ANK1: variants seen among roughly 807,000 people sequenced by gnomAD.
ANK1 encodes ankyrin-1.
In ANK1, 51 loss-of-function variants were observed where a neutral mutation model predicts 210.4. The ratio of observed to expected loss-of-function variants is 0.24; its 90% CI spans 0.19 to 0.31. The LOEUF (loss-of-function observed/expected upper bound fraction) is 0.31. ANK1 is among the 10% of genes least tolerant of loss of function. ANK1 has a pLI of 1.00. For synonymous variants in ANK1, 967 were observed against 1,025.9 expected, an observed-to-expected ratio of 0.94 and a Z score of 1.10; for missense variants, 2,051 against 2,504.4, an observed-to-expected ratio of 0.82 and a Z score of 3.86.
At chr8:41,696,609 G>A (rs368556439) in intron 25 of ANK1, 22 bp from the exon 26 acceptor site, 105 of 1,612,360 alleles carry the variant, frequency 6.5e-5, no homozygotes, top group Admixed American at 1.7e-4. Flanking sequence ...GCAGATGCAC[G>A]TTGGGCTTCT....
intron 1 of ANK1, among the ~76,000 whole-genome samples, chr8:41,893,299 C>T (rs1056902044): frequency 2.6e-5 from 4 of 152,148 alleles, no homozygotes; most frequent in African/African-American, 9.7e-5. Flanking sequence ...ATATCATAAA[C>T]GCTGGATTTT....
intron 1 of ANK1, among the ~76,000 whole-genome samples, chr8:41,772,393 G>T (rs1843127648): frequency 6.6e-6 from 1 of 152,218 alleles, no homozygotes; most frequent in East Asian, 1.9e-4. Flanking sequence ...GGCACATTTG[G>T]TAAGTGCTCT....
rs140550365 is a variant in ANK1, at chr8:41,725,926, C to A, written c.447G>T (p.Ala149=). 5.6e-4 allele frequency: 908 copies of A among 1,613,446 alleles called. No individual in the cohort carries two copies. Among genetic ancestry groups the A allele is most frequent in the Non-Finnish European group, 7.1e-4 (836 of 1,179,992 alleles). ...TCTCATGGCCCTGCTGCAGGGCTAC[C>A]GCCAGAGGCGTGAAGCCGTCCTGGC... ...VATEDGFTPL[A]VALQQGHENV... is the part of the protein sequence containing the mutation. The change falls in exon 6 of 43, where the codon GCG becomes GCT. Residue 149 remains alanine (A), a synonymous_variant. Transcript: ENST00000289734.
intron 42 of ANK1, among the ~76,000 whole-genome samples, chr8:41,659,918 G>A (rs1053325102): frequency 2.6e-5 from 4 of 152,014 alleles, no homozygotes; most frequent in Non-Finnish European, 4.4e-5. Context: ...CCTGGCTTTC[G>A]GGCTGCCTCT....
At chr8:41,669,817 G>A (rs989849257) in intron 38 of ANK1, among the ~76,000 whole-genome samples, 9 of 152,254 alleles carry the variant, frequency 5.9e-5, no homozygotes, top group Non-Finnish European at 1.0e-4. Flanking sequence ...GCCAGGTTGC[G>A]CCAGCCTCCT....
intron 1 of ANK1, among the ~76,000 whole-genome samples, chr8:41,790,450 G>T (rs771768734): frequency 4.5e-4 from 69 of 152,184 alleles, no homozygotes; most frequent in Non-Finnish European, 2.6e-4. Flanking sequence ...CCCGGCCTGG[G>T]AAGGAATCTT....
At chr8:41,718,906 T>G (rs145225196) in intron 10 of ANK1, among the ~76,000 whole-genome samples, 1 of 152,238 alleles carries the variant, frequency 6.6e-6, no homozygotes, top group Non-Finnish European at 1.5e-5. Context: ...TCAACAGTCC[T>G]GAGGCTGGGA....
intron 1 of ANK1, among the ~76,000 whole-genome samples, chr8:41,787,023 T>C (rs775723950): frequency 1.3e-5 from 2 of 152,234 alleles, no homozygotes; most frequent in Non-Finnish European, 2.9e-5. Context: ...TCATTCATTT[T>C]TCCACTCCAC....
intron 1 of ANK1, among the ~76,000 whole-genome samples, chr8:41,763,881 C>CTTTTTTGTTTTTTTTTTTTTTT (rs1841052618): frequency 1.4e-5 from 1 of 72,142 alleles, no homozygotes; most frequent in Non-Finnish European, 2.7e-5. Context: ...TTCTTTTTTT[C>CTTTTTTGTTTTTTTTTTTTTTT]TTTTTTTCTT....
intron 14 of ANK1, 140 bp downstream of exon 14, chr8:41,715,512 G>C (rs1827376521): frequency 6.2e-6 from 7 of 1,124,774 alleles, no homozygotes; most frequent in African/African-American, 1.5e-5. Context: ...GTGGTGGCCA[G>C]CCCTGAGTGT....
chr8:41,776,953 AG>A (rs1157208127), intron 1 of ANK1, among the ~76,000 whole-genome samples: 1 of 152,234 alleles, frequency 6.6e-6, no homozygotes, highest in Admixed American at 6.5e-5. Context: ...TACTTCACAC[AG>A]GGCTCATCGT....
chr8:41,731,728 T>C (rs567970098), intron 3 of ANK1, among the ~76,000 whole-genome samples: 1 of 152,234 alleles, frequency 6.6e-6, no homozygotes, highest in East Asian at 1.9e-4. Flanking sequence ...TTAGAAAATT[T>C]CTAAAAATAA....
At chr8:41,787,637 A>G (rs773051943) in intron 1 of ANK1, among the ~76,000 whole-genome samples, 5 of 152,320 alleles carry the variant, frequency 3.3e-5, no homozygotes, top group East Asian at 3.9e-4. Flanking sequence ...GGCTCATCTG[A>G]TTAAGGCTAA....
chr8:41,753,221 T>C (rs1303440321), intron 2 of ANK1, among the ~76,000 whole-genome samples: 2 of 152,104 alleles, frequency 1.3e-5, no homozygotes, highest in African/African-American at 4.8e-5. Context: ...CCTGCCATCA[T>C]GCCCGGCTAA....
At position 41,655,652 on chromosome 8, in the gene ANK1, A is replaced by G. The variant is rs1042776893; in HGVS notation, c.*138T>C. The stretch of plus-strand genomic sequence containing the variant: ...CTTACAGAGGTCATGCCGTCAGCCC[A>G]GAGGAATGTGTGCACCGCTGCGGTG... On this transcript the variant is annotated 3_prime_UTR_variant, in exon 43 of 43. Coordinates refer to ENST00000289734, the MANE Select transcript of ANK1 (RefSeq NM_000037.4). 1.0e-5 allele frequency: 16 copies of G among 1,552,970 alleles called. 1 individual carries two copies. In the African/African-American group the frequency reaches 1.4e-4, roughly 13 times the overall value.
At chr8:41,891,146 A>T (rs1370956190) in intron 1 of ANK1, among the ~76,000 whole-genome samples, 1 of 152,208 alleles carries the variant, frequency 6.6e-6, no homozygotes, top group Non-Finnish European at 1.5e-5. Flanking sequence ...CAATAACAGG[A>T]TCACCTATTC....
intron 39 of ANK1, 116 bp from the exon 40 acceptor site, chr8:41,663,858 C>A (rs1809407584): frequency 2.4e-6 from 2 of 848,074 alleles, no homozygotes; most frequent in Middle Eastern, 4.8e-4. Flanking sequence ...CAATAACTCC[C>A]CCAGCAGGAA....
intron 27 of ANK1, 32 bp downstream of exon 27, chr8:41,695,145 G>C (rs755471987): frequency 2.5e-6 from 4 of 1,613,674 alleles, no homozygotes; most frequent in African/African-American, 1.3e-5. Context: ...TCCGCAAGGA[G>C]GGGACCCAGC....
chr8:41,768,972 T>A (rs1053631184), intron 1 of ANK1, among the ~76,000 whole-genome samples: 1 of 151,890 alleles, frequency 6.6e-6, no homozygotes, highest in African/African-American at 2.4e-5. Flanking sequence ...ACCCTGTCTC[T>A]AAAAAAATAA....
Sources: allele counts gnomAD v4.1 joint callset (sites outside exome capture counted in the v4.1 genomes callset), GRCh38; gene constraint gnomAD v4.1.1; transcripts MANE v1.5; gene names NCBI Gene and HGNC (gene_info 2026-07-23, HGNC 2026-07-21).